The following ARB2A variants were observed in gnomAD, a reference collection of about 807,000 sequenced individuals.
The protein encoded by ARB2A is ARB2 cotranscriptional regulator A, also known as cotranscriptional regulator ARB2A.
At chr5:93,985,050 T>C in the ARB2A span, among the ~76,000 whole-genome samples, 1 of 152,208 alleles carries the variant, frequency 6.6e-6, no homozygotes, top group Admixed American at 6.5e-5. Flanking sequence ...TTTTAATGTT[T>C]CTCTGAGCCA....
the ARB2A span, among the ~76,000 whole-genome samples, chr5:94,108,932 G>A: frequency 1.8e-4 from 28 of 152,056 alleles, no homozygotes; most frequent in African/African-American, 9.7e-5. Context: ...GAGAGATATC[G>A]AAAAGAAATG....
chr5:93,765,133 G>A, the ARB2A span, among the ~76,000 whole-genome samples: 45 of 152,260 alleles, frequency 3.0e-4, no homozygotes, highest in South Asian at 1.5e-3. Context: ...CAAAACTGGC[G>A]TAAGACAGGG....
the ARB2A span, among the ~76,000 whole-genome samples, chr5:93,954,013 G>T: frequency 6.6e-6 from 1 of 152,142 alleles, no homozygotes; most frequent in Admixed American, 6.5e-5. Flanking sequence ...GGACTCTCCT[G>T]TAAGGGCAGT....
At chr5:94,038,043 T>C in the ARB2A span, among the ~76,000 whole-genome samples, 1 of 152,084 alleles carries the variant, frequency 6.6e-6, no homozygotes, top group Admixed American at 6.5e-5. Context: ...TTAAACACAT[T>C]GACAATTTAT....
At chr5:93,790,374 T>C in the ARB2A span, among the ~76,000 whole-genome samples, 1 of 152,208 alleles carries the variant, frequency 6.6e-6, no homozygotes, top group Non-Finnish European at 1.5e-5. Flanking sequence ...GTTTAGTTTA[T>C]AAATGCACTT....
the ARB2A span, among the ~76,000 whole-genome samples, chr5:93,872,916 C>CA: frequency 6.5e-4 from 93 of 142,372 alleles, no homozygotes; most frequent in Admixed American, 8.5e-4. Flanking sequence ...GACTCTGTCT[C>CA]AAAAAAAAAA....
chr5:93,795,548 C>T, the ARB2A span, among the ~76,000 whole-genome samples: 1 of 152,158 alleles, frequency 6.6e-6, no homozygotes, highest in African/African-American at 2.4e-5. Context: ...ACACACTGCT[C>T]TGTCCATCCA....
the ARB2A span, among the ~76,000 whole-genome samples, chr5:93,766,441 C>T: frequency 1.3e-5 from 2 of 152,114 alleles, no homozygotes; most frequent in Non-Finnish European, 2.9e-5. Context: ...TGAAAAAATG[C>T]TCATCATCAC....
chr5:93,988,133 G>C, the ARB2A span, among the ~76,000 whole-genome samples: 1 of 152,054 alleles, frequency 6.6e-6, no homozygotes, highest in Admixed American at 6.5e-5. Flanking sequence ...CGCCATTCTA[G>C]TCATATCAAC....
chr5:94,037,689 C>T, the ARB2A span, among the ~76,000 whole-genome samples: 1 of 152,008 alleles, frequency 6.6e-6, no homozygotes, highest in African/African-American at 2.4e-5. Context: ...CTCCTGATGG[C>T]CAATACAAGA....
At chr5:93,686,840 C>T in the ARB2A span, among the ~76,000 whole-genome samples, 1 of 151,370 alleles carries the variant, frequency 6.6e-6, no homozygotes, top group Non-Finnish European at 1.5e-5. Flanking sequence ...CAAATGTTAT[C>T]ATTTAAAAGT....
At chr5:93,960,146 A>AAAAAT in the ARB2A span, among the ~76,000 whole-genome samples, 14,998 of 142,868 alleles carry the variant, frequency 0.1, 925 homozygotes, top group Middle Eastern at 0.18. Context: ...TTAGGAAGAG[A>AAAAAT]AAAATAAAAT....
chr5:93,745,428 T>C, the ARB2A span, among the ~76,000 whole-genome samples: 1 of 152,212 alleles, frequency 6.6e-6, no homozygotes, highest in Admixed American at 6.5e-5. Flanking sequence ...CCAAGTAACA[T>C]GCTAATGCAC....
the ARB2A span, among the ~76,000 whole-genome samples, chr5:93,665,227 TAAAAG>T: frequency 3.3e-5 from 5 of 152,218 alleles, no homozygotes; most frequent in African/African-American, 9.6e-5. Flanking sequence ...TACTAAAAAA[TAAAAG>T]AAATCACAAT....
the ARB2A span, among the ~76,000 whole-genome samples, chr5:93,821,699 A>G: frequency 6.6e-6 from 1 of 152,092 alleles, no homozygotes; most frequent in Non-Finnish European, 1.5e-5. Flanking sequence ...TAACAATACT[A>G]TATTTTAGAA....
chr5:93,705,239 T>C, the ARB2A span, among the ~76,000 whole-genome samples: 2 of 152,122 alleles, frequency 1.3e-5, no homozygotes, highest in South Asian at 4.1e-4. Flanking sequence ...TTCAGCTCCA[T>C]GGGGAAAGTT....
At chr5:93,842,856 A>G in the ARB2A span, among the ~76,000 whole-genome samples, 1 of 152,208 alleles carries the variant, frequency 6.6e-6, no homozygotes, top group Non-Finnish European at 1.5e-5. Context: ...AAATGGGGCT[A>G]TCAGAAACAG....
the ARB2A span, among the ~76,000 whole-genome samples, chr5:93,765,800 A>G: frequency 1.3e-5 from 2 of 152,192 alleles, no homozygotes; most frequent in African/African-American, 2.4e-5. Context: ...CTACAAGGCT[A>G]TGGTAACCAA....
At chr5:93,878,856 G>C in the ARB2A span, among the ~76,000 whole-genome samples, 1 of 151,878 alleles carries the variant, frequency 6.6e-6, no homozygotes, top group Non-Finnish European at 1.5e-5. Context: ...AGAAAGAGGG[G>C]AAGAATCTAC....
Sources: gnomAD v4.1 joint callset for allele counts (sites outside exome capture counted in the v4.1 genomes callset) on GRCh38, gnomAD v4.1.1 for gene constraint, MANE v1.5 for transcripts, NCBI Gene and HGNC (gene_info 2026-07-23, HGNC 2026-07-21) for gene names.